BTBD7: variants seen among roughly 807,000 people sequenced by gnomAD.
BTBD7 encodes the protein BTB domain containing 7.
Under a neutral mutation model 99.9 loss-of-function variants are expected in BTBD7, and 38 were observed. The ratio of observed to expected loss-of-function variants is 0.38; its 90% CI spans 0.29 to 0.50. BTBD7 has a LOEUF of 0.50. Ranked by LOEUF, BTBD7 falls within the 20% of genes least tolerant of loss-of-function variation. BTBD7 has a pLI of 0.93. For synonymous variants in BTBD7, 520 were observed against 511.4 expected, an observed-to-expected ratio of 1.02 and a Z score of -0.23; for missense variants, 1,170 against 1,394.6, an observed-to-expected ratio of 0.84 and a Z score of 2.57.
Position 93,242,744 on chromosome 14 carries a change from A to G in BTBD7, c.2928T>C (p.Asp976=), listed in dbSNP as rs1027126633. 1 of 1,614,050 alleles carries G rather than the reference A, an allele frequency of 6.2e-7. No individual in the cohort carries two copies. Among genetic ancestry groups the G allele is most frequent in the African/African-American group, 1.3e-5 (1 of 74,918 alleles). The part of the protein sequence containing the change: ...SPSQGGYFGP[D]LYSHNKASPS... ...GTGATGCCTTATTGTGGCTGTACAG[A>G]TCGGGACCAAAATATCCACCTTGCG... The change falls in exon 11 of 11, where the codon GAT becomes GAC. Residue 976 remains aspartate, a synonymous_variant. Coordinates refer to ENST00000334746, the MANE Select transcript of BTBD7 (RefSeq NM_001002860.4).
At chr14:93,247,599 G>T (rs2052327513) in intron 9 of BTBD7, among the ~76,000 whole-genome samples, 1 of 152,206 alleles carries the variant, frequency 6.6e-6, no homozygotes, top group African/African-American at 2.4e-5. Context: ...GCCCACCTTG[G>T]CATCCCAAAG....
chr14:93,305,269 T>A (rs1228405933), intron 1 of BTBD7, among the ~76,000 whole-genome samples: 1 of 152,322 alleles, frequency 6.6e-6, no homozygotes, highest in South Asian at 2.1e-4. Flanking sequence ...CTCCTGCCCA[T>A]CAGAATATTT....
intron 3 of BTBD7, among the ~76,000 whole-genome samples, chr14:93,280,538 A>G (rs751151078): frequency 3.3e-5 from 5 of 152,206 alleles, no homozygotes; most frequent in Non-Finnish European, 5.9e-5. Context: ...CATGACATGT[A>G]TAACATTTAT....
intron 3 of BTBD7, among the ~76,000 whole-genome samples, chr14:93,286,325 C>G (rs894478497): frequency 6.6e-6 from 1 of 152,196 alleles, no homozygotes; most frequent in African/African-American, 2.4e-5. Context: ...AGTCAAATGA[C>G]TAACATAGGA....
chr14:93,315,906 T>C (rs1305869231), intron 1 of BTBD7, among the ~76,000 whole-genome samples: 1 of 152,128 alleles, frequency 6.6e-6, no homozygotes, highest in African/African-American at 2.4e-5. Flanking sequence ...TGTGTAGACA[T>C]GTACTTCCAC....
At chr14:93,257,757 G>A (rs1405868072) in intron 5 of BTBD7, among the ~76,000 whole-genome samples, 2 of 152,196 alleles carry the variant, frequency 1.3e-5, no homozygotes, top group Non-Finnish European at 2.9e-5. Context: ...GTCACTGTAA[G>A]TTATCAGTAT....
chr14:93,332,697 G>A (rs1473046997), intron 1 of BTBD7, 123 bp downstream of exon 1: 1 of 1,293,760 alleles, frequency 7.7e-7, no homozygotes, highest in Non-Finnish European at 9.8e-7. Flanking sequence ...GCCTCCCGCG[G>A]CGGCTTGGCC....
At chr14:93,299,263 T>C (rs1339113507) in intron 1 of BTBD7, among the ~76,000 whole-genome samples, 1 of 152,210 alleles carries the variant, frequency 6.6e-6, no homozygotes, top group East Asian at 1.9e-4. Context: ...GGGATTAATG[T>C]CATTACTTCT....
chr14:93,329,502 G>A (rs527761931), intron 1 of BTBD7, among the ~76,000 whole-genome samples: 2 of 152,290 alleles, frequency 1.3e-5, no homozygotes, highest in South Asian at 4.1e-4. Flanking sequence ...TAACATCCAT[G>A]TTCACAGCAG....
chr14:93,265,841 G>A (rs112261131), intron 3 of BTBD7, among the ~76,000 whole-genome samples: 6,202 of 152,286 alleles, frequency 0.041, 170 homozygotes, highest in African/African-American at 0.077. Flanking sequence ...AGAATTGCTT[G>A]AACCCGGGAA....
chr14:93,301,783 T>C (rs2053008016), intron 1 of BTBD7, among the ~76,000 whole-genome samples: 1 of 152,138 alleles, frequency 6.6e-6, no homozygotes, highest in Admixed American at 6.6e-5. Flanking sequence ...GGTAACAACA[T>C]TGTTATAACA....
chr14:93,243,216 CAG>C (rs2052258725), intron 10 of BTBD7, 128 bp from the exon 11 acceptor site: 4 of 866,704 alleles, frequency 4.6e-6, no homozygotes, highest in East Asian at 2.7e-5. Context: ...TTTTTTGAGA[CAG>C]AGTCTCGCTC....
intron 7 of BTBD7, among the ~76,000 whole-genome samples, chr14:93,252,523 G>GTT (rs34105100): frequency 4.7e-4 from 67 of 142,504 alleles, no homozygotes; most frequent in East Asian, 2.5e-3. Context: ...CGCCTGGCTA[G>GTT]TTTTTTTTTT....
At chr14:93,248,760 G>A in intron 8 of BTBD7, 106 bp from the exon 9 acceptor site, 2 of 1,007,166 alleles carry the variant, frequency 2.0e-6, no homozygotes, top group Non-Finnish European at 2.8e-6. Flanking sequence ...AATCTTATAA[G>A]TTTTTAAGAT....
At chr14:93,259,268 C>T (rs143230342) in intron 5 of BTBD7, among the ~76,000 whole-genome samples, 7 of 152,278 alleles carry the variant, frequency 4.6e-5, no homozygotes, top group African/African-American at 9.6e-5. Context: ...CTGTAACTCA[C>T]GCCTGAATGA....
chr14:93,311,593 T>C (rs2053138374), intron 1 of BTBD7, among the ~76,000 whole-genome samples: 1 of 152,172 alleles, frequency 6.6e-6, no homozygotes, highest in Admixed American at 6.5e-5. Flanking sequence ...TTACTCAATC[T>C]CATTATCTTA....
intron 5 of BTBD7, among the ~76,000 whole-genome samples, chr14:93,259,015 C>A (rs1316088809): frequency 2.0e-5 from 3 of 152,312 alleles, no homozygotes; most frequent in Non-Finnish European, 2.9e-5. Flanking sequence ...AACATTTACA[C>A]AGAGTTATAT....
At chr14:93,271,933 G>A (rs754436381) in intron 3 of BTBD7, among the ~76,000 whole-genome samples, 1 of 152,194 alleles carries the variant, frequency 6.6e-6, no homozygotes, top group Non-Finnish European at 1.5e-5. Context: ...TTGAACCTGG[G>A]AGGTAGAGGT....
In BTBD7 at chr14:93,294,520, A is replaced by G; in HGVS notation, c.500T>C (p.Phe167Ser). 1 of 1,614,042 alleles carries G rather than the reference A, an allele frequency of 6.2e-7. No homozygotes were observed. The highest frequency in any genetic ancestry group is 8.5e-7 in the Non-Finnish European group (1 of 1,179,990). The change falls in exon 3 of 11, where the codon TTT (phenylalanine) becomes TCT (serine). Residue 167 changes from phenylalanine (F) to serine (S), a missense_variant. Around this residue, in one of 4 missense-constraint regions of BTBD7, gnomAD observed 359 missense variants for 497.9 expected, o/e 0.72. Coordinates refer to ENST00000334746, the MANE Select transcript of BTBD7 (RefSeq NM_001002860.4). ...TGGTGAGGAAGAAAGCAGTGTTTTA[A>G]AAAATGGACACCTTGCTGCCAAAAT... is the stretch of plus-strand genomic sequence containing the variant. ...RAILAARCPF[F>S]KTLLSSSPEY...
Sources: gnomAD v4.1 joint callset for allele counts (sites outside exome capture counted in the v4.1 genomes callset) on GRCh38, gnomAD v4.1.1 for gene constraint, gnomAD v4.1.1 regional missense constraint, MANE v1.5 for transcripts, NCBI Gene and HGNC (gene_info 2026-07-23, HGNC 2026-07-21) for gene names.